RNF38: variants seen among roughly 807,000 people sequenced by gnomAD.
The protein encoded by RNF38 is E3 ubiquitin-protein ligase RNF38.
Under a neutral mutation model 67.2 loss-of-function variants are expected in RNF38, and 15 were observed. The observed-to-expected ratio is 0.22, with a 90% CI of 0.15 to 0.34. The LOEUF (loss-of-function observed/expected upper bound fraction) is 0.34. RNF38 is among the 10% of genes least tolerant of loss of function. The pLI, the probability that RNF38 is intolerant of heterozygous loss-of-function variation, is 1.00. For missense variants in RNF38, 524 were observed against 639.9 expected (o/e 0.82, Z 1.95); for synonymous variants, 220 against 218.8 (o/e 1.01, Z -0.05).
chr9:36,411,446 T>C (rs939714881), intron 2 of RNF38, among the ~76,000 whole-genome samples: 3 of 152,132 alleles, frequency 2.0e-5, no homozygotes, highest in African/African-American at 7.2e-5. Context: ...GAAAGCAGGG[T>C]TGAAGAGATA....
intron 9 of RNF38, among the ~76,000 whole-genome samples, chr9:36,347,239 G>C (rs536387040): frequency 6.7e-6 from 1 of 148,274 alleles, no homozygotes; most frequent in South Asian, 2.1e-4. Context: ...ATATCTCTTA[G>C]TACACAAAGG....
At chr9:36,374,588 C>A (rs1196422099) in intron 3 of RNF38, among the ~76,000 whole-genome samples, 2 of 152,144 alleles carry the variant, frequency 1.3e-5, no homozygotes, top group African/African-American at 4.8e-5. Flanking sequence ...AATTCCCCTG[C>A]CTCAGATTCG....
chr9:36,448,004 G>A (rs909401207), intron 1 of RNF38, among the ~76,000 whole-genome samples: 3 of 152,140 alleles, frequency 2.0e-5, no homozygotes, highest in African/African-American at 7.2e-5. Flanking sequence ...TAATATTGAA[G>A]CCTACATGCA....
chr9:36,352,921 T>C, intron 7 of RNF38, 73 bp from the exon 8 acceptor site: 1 of 1,099,334 alleles, frequency 9.1e-7, no homozygotes, highest in Admixed American at 2.3e-5. Flanking sequence ...AAGTATCTAA[T>C]TAAAAAAAGA....
chr9:36,441,330 ATTT>A (rs753735428), intron 1 of RNF38, among the ~76,000 whole-genome samples: 4 of 142,768 alleles, frequency 2.8e-5, no homozygotes, highest in African/African-American at 2.6e-5. Flanking sequence ...TAAATTACCA[ATTT>A]TTTTTTTTTT....
At chr9:36,359,325 T>G (rs987684770) in intron 4 of RNF38, among the ~76,000 whole-genome samples, 3 of 152,136 alleles carry the variant, frequency 2.0e-5, no homozygotes, top group Admixed American at 1.3e-4. Flanking sequence ...GGGTTTCCTT[T>G]ACTGATGAGG....
chr9:36,420,325 G>A (rs762283355), intron 2 of RNF38, among the ~76,000 whole-genome samples: 1 of 151,998 alleles, frequency 6.6e-6, no homozygotes, highest in Non-Finnish European at 1.5e-5. Flanking sequence ...GAGGTCAGGA[G>A]ATCGAGACCA....
chr9:36,351,121 A>G lies in RNF38; in HGVS notation c.1257T>C (p.Asn419=), dbSNP rs556458399. The G allele has an allele frequency of 6.2e-6, 10 of 1,607,910 alleles. No homozygotes were observed. The change falls in exon 9 of 12, where the codon AAT becomes AAC. Residue 419 remains asparagine, a synonymous_variant. Coordinates refer to ENST00000259605, the MANE Select transcript of RNF38 (RefSeq NM_022781.5). The part of the protein sequence containing the change: ...ELDVEDGEVE[N]YEALLNLAER... The stretch of plus-strand genomic sequence containing the variant: ...TCACAATTCATCTACTAACCTCGTA[A>G]TTTTCTACTTCTCCATCTTCTACAT...
At chr9:36,481,292 G>A (rs142969816) in intron 1 of RNF38, among the ~76,000 whole-genome samples, 2,325 of 152,296 alleles carry the variant, frequency 0.015, 26 homozygotes, top group Admixed American at 0.035. Context: ...TGGGATTACA[G>A]GCATGAGCCA....
At chr9:36,468,137 G>A (rs1839908599) in intron 1 of RNF38, among the ~76,000 whole-genome samples, 1 of 151,590 alleles carries the variant, frequency 6.6e-6, no homozygotes, top group Non-Finnish European at 1.5e-5. Context: ...CCCTACTCAA[G>A]AGGCTGAGGT....
chr9:36,413,613 G>C (rs1396230250), intron 2 of RNF38, among the ~76,000 whole-genome samples: 2 of 152,180 alleles, frequency 1.3e-5, no homozygotes, highest in African/African-American at 4.8e-5. Context: ...GTTTCTGTTT[G>C]TTTGTGTCAC....
chr9:36,478,433 T>C (rs1212200438), intron 1 of RNF38, among the ~76,000 whole-genome samples: 2 of 149,526 alleles, frequency 1.3e-5, no homozygotes, highest in Non-Finnish European at 3.0e-5. Context: ...AGAGAGCGTT[T>C]ATTAAGCATA....
chr9:36,473,482 G>C (rs961439774), intron 1 of RNF38, among the ~76,000 whole-genome samples: 1 of 152,132 alleles, frequency 6.6e-6, no homozygotes, highest in African/African-American at 2.4e-5. Context: ...CAGCTACTTG[G>C]GAGGCTGAGG....
intron 1 of RNF38, among the ~76,000 whole-genome samples, chr9:36,486,784 C>T (rs771251251): frequency 6.6e-6 from 1 of 152,160 alleles, no homozygotes; most frequent in Non-Finnish European, 1.5e-5. Flanking sequence ...GCCCCCTGCT[C>T]TTCCGTCCCA....
chr9:36,381,586 TA>T (rs1035557961), intron 2 of RNF38, among the ~76,000 whole-genome samples: 1 of 152,202 alleles, frequency 6.6e-6, no homozygotes, highest in African/African-American at 2.4e-5. Context: ...GTGTATTGGT[TA>T]ACAGACTTTC....
At chr9:36,350,061 A>G (rs1833584243) in intron 9 of RNF38, among the ~76,000 whole-genome samples, 1 of 151,844 alleles carries the variant, frequency 6.6e-6, no homozygotes, top group Non-Finnish European at 1.5e-5. Context: ...CAGGTGATTT[A>G]CCCGCCTTGG....
chr9:36,400,716 T>G, upstream of RNF38: 1 of 985,634 alleles, frequency 1.0e-6, no homozygotes. Context: ...GCACTGTCAC[T>G]GCGCTTCCTT....
At chr9:36,416,678 G>T (rs976013907) in intron 2 of RNF38, among the ~76,000 whole-genome samples, 6 of 148,490 alleles carry the variant, frequency 4.0e-5, no homozygotes, top group African/African-American at 1.5e-4. Context: ...TAAGATAAAA[G>T]TCAGAAATGG....
intron 2 of RNF38, among the ~76,000 whole-genome samples, chr9:36,410,909 G>C (rs1002268730): frequency 2.6e-5 from 4 of 152,148 alleles, no homozygotes; most frequent in African/African-American, 9.7e-5. Context: ...TTAATGGGTA[G>C]AATTTCAGTT....
Sources: gnomAD v4.1 joint callset for allele counts (sites outside exome capture counted in the v4.1 genomes callset) on GRCh38, gnomAD v4.1.1 for gene constraint, MANE v1.5 for transcripts, NCBI Gene and HGNC (gene_info 2026-07-23, HGNC 2026-07-21) for gene names.